Variants in TAFA2 observed in about 807,000 individuals in gnomAD.
TAFA2 encodes TAFA chemokine like family member 2.
Under a neutral mutation model 18.8 loss-of-function variants are expected in TAFA2, and 7 were observed. That is an observed-to-expected ratio of 0.37 (90% confidence interval 0.21 to 0.70). TAFA2 has a LOEUF of 0.70. Among genes scored for constraint, TAFA2 ranks in the 30% least tolerant of loss-of-function variants. The pLI is 0.53. For synonymous variants in TAFA2, 60 were observed against 54.2 expected (o/e 1.11, Z -0.47); for missense variants, 122 against 158.1 (o/e 0.77, Z 1.23).
intron 1 of TAFA2, among the ~76,000 whole-genome samples, chr12:61,868,247 A>G (rs558611722): frequency 2.6e-5 from 4 of 152,190 alleles, no homozygotes; most frequent in Non-Finnish European, 4.4e-5. Context: ...CCCATTTTGT[A>G]GATGAGGAAA....
intron 1 of TAFA2, among the ~76,000 whole-genome samples, chr12:62,026,377 A>G (rs1881310540): frequency 6.6e-6 from 1 of 151,992 alleles, no homozygotes; most frequent in African/African-American, 2.4e-5. Context: ...ACAAGACACA[A>G]CAGGGCAAAC....
At chr12:61,852,722 A>G (rs1358550114) in intron 2 of TAFA2, among the ~76,000 whole-genome samples, 1 of 152,176 alleles carries the variant, frequency 6.6e-6, no homozygotes, top group East Asian at 1.9e-4. Context: ...CCAACAGGAT[A>G]TACACGAGGA....
intron 1 of TAFA2, among the ~76,000 whole-genome samples, chr12:62,157,449 T>C (rs10747952): frequency 0.95 from 144,795 of 152,212 alleles, 69,289 homozygotes; most frequent in South Asian, 1. Flanking sequence ...GGTGTCAGAG[T>C]AGTCAGGAAT....
At chr12:62,009,670 A>T (rs1880666151) in intron 1 of TAFA2, among the ~76,000 whole-genome samples, 1 of 152,244 alleles carries the variant, frequency 6.6e-6, no homozygotes, top group Non-Finnish European at 1.5e-5. Flanking sequence ...ACATTACGTC[A>T]TTCCATCCAT....
chr12:61,857,376 AT>A (rs986318030), intron 2 of TAFA2, among the ~76,000 whole-genome samples: 1 of 152,104 alleles, frequency 6.6e-6, no homozygotes, highest in African/African-American at 2.4e-5. Flanking sequence ...ATTCAATTTA[AT>A]TTTTTTTAAA....
chr12:61,818,518 C>CACAG (rs935304383), intron 2 of TAFA2, among the ~76,000 whole-genome samples: 1 of 151,826 alleles, frequency 6.6e-6, no homozygotes, highest in African/African-American at 2.4e-5. Context: ...CACACACACA[C>CACAG]ACACACACTA....
rs550728664 is a variant in TAFA2, at chr12:61,990,629, G to A, written c.-1-123203C>T. ...GCTGGGATTACAGGCATGAGCGCCC[G>A]GCCCACTGTGCCAATTTTTGTTAAA... On this transcript the variant is annotated intron_variant, in intron 1 of 4. Transcript: ENST00000416284. 7.3e-5 allele frequency among the ~76,000 whole-genome samples: 11 copies of A among 151,660 alleles called. No individual in the cohort carries two copies. The East Asian group carries it at 7.8e-4, about 11-fold the overall frequency.
intron 1 of TAFA2, among the ~76,000 whole-genome samples, chr12:62,179,017 T>C (rs1228760204): frequency 6.6e-6 from 1 of 152,216 alleles, no homozygotes; most frequent in African/African-American, 2.4e-5. Context: ...CATTTCTAAC[T>C]CACAGCCATT....
In TAFA2 at chr12:61,965,163, T is replaced by C. The variant is rs556559112; in HGVS notation, c.-1-97737A>G. On this transcript the variant is annotated intron_variant, in intron 1 of 4. Transcript: ENST00000416284. ...GTAATGATATTAGAAGGTGGGGGCC[T>C]TTGAGAGGTGATTAGATCACAAGGG... Among the ~76,000 whole-genome samples the C allele has an allele frequency of 2.0e-5, 3 of 151,940 alleles. No homozygotes were observed. The East Asian group carries it at 5.9e-4, about 30-fold the overall frequency.
At chr12:62,131,728 T>A (rs534791487) in intron 1 of TAFA2, among the ~76,000 whole-genome samples, 12 of 152,168 alleles carry the variant, frequency 7.9e-5, no homozygotes, top group African/African-American at 2.9e-4. Context: ...GACCATTTTT[T>A]AATGTTCTTT....
intron 1 of TAFA2, among the ~76,000 whole-genome samples, chr12:61,869,019 A>C (rs1319275241): frequency 1.3e-5 from 2 of 152,154 alleles, no homozygotes; most frequent in Non-Finnish European, 2.9e-5. Flanking sequence ...TAAGGATTCA[A>C]TGGCTATGAT....
intron 1 of TAFA2, among the ~76,000 whole-genome samples, chr12:62,101,549 G>T (rs546031295): frequency 3.9e-5 from 6 of 152,292 alleles, no homozygotes; most frequent in South Asian, 2.1e-4. Flanking sequence ...GTTCAAGCAG[G>T]TTCCAAGGCA....
intron 1 of TAFA2, among the ~76,000 whole-genome samples, chr12:62,168,046 T>G (rs2062451860): frequency 6.6e-6 from 1 of 152,174 alleles, no homozygotes; most frequent in South Asian, 2.1e-4. Flanking sequence ...TCCACTAATA[T>G]TTAAAAACAC....
intron 1 of TAFA2, among the ~76,000 whole-genome samples, chr12:62,020,418 C>T (rs1228471150): frequency 6.6e-6 from 1 of 152,052 alleles, no homozygotes; most frequent in African/African-American, 2.4e-5. Flanking sequence ...AATAATAGCT[C>T]ACTAAGAAAA....
chr12:61,870,142 G>A (rs956557424), intron 1 of TAFA2, among the ~76,000 whole-genome samples: 15 of 152,182 alleles, frequency 9.9e-5, no homozygotes, highest in Non-Finnish European at 2.9e-5. Context: ...GTCAACATTT[G>A]GAAGGCTGTA....
intron 1 of TAFA2, among the ~76,000 whole-genome samples, chr12:62,229,757 C>A (rs1401010937): frequency 6.6e-6 from 1 of 151,748 alleles, no homozygotes; most frequent in Non-Finnish European, 1.5e-5. Context: ...CCTTCCTCTT[C>A]AATTTTTTGG....
At chr12:61,981,657 CA>C (rs1233910194) in intron 1 of TAFA2, among the ~76,000 whole-genome samples, 26 of 152,306 alleles carry the variant, frequency 1.7e-4, no homozygotes, top group African/African-American at 6.0e-4. Context: ...AGGATGTGAA[CA>C]GACACTTCTC....
chr12:61,953,223 C>T (rs1878530615), intron 1 of TAFA2, among the ~76,000 whole-genome samples: 3 of 151,896 alleles, frequency 2.0e-5, no homozygotes, highest in Admixed American at 2.0e-4. Flanking sequence ...ACTGACACTC[C>T]CCTTAAAAAA....
At chr12:62,014,609 G>A (rs1034797183) in intron 1 of TAFA2, among the ~76,000 whole-genome samples, 1 of 152,150 alleles carries the variant, frequency 6.6e-6, no homozygotes, top group African/African-American at 2.4e-5. Context: ...TCCAGCCTAG[G>A]TGACAGGGCC....
Sources: gnomAD v4.1 joint callset for allele counts (sites outside exome capture counted in the v4.1 genomes callset) on GRCh38, gnomAD v4.1.1 for gene constraint, MANE v1.5 for transcripts, NCBI Gene and HGNC (gene_info 2026-07-23, HGNC 2026-07-21) for gene names.